The following SMOX variants were observed in gnomAD, a reference collection of about 807,000 sequenced individuals.
SMOX encodes the protein flavin containing amine oxidase.
SMOX carries 22 observed loss-of-function variants against 51.0 expected under a neutral mutation model. The ratio of observed to expected loss-of-function variants is 0.43; its 90% CI spans 0.31 to 0.62. The LOEUF is 0.62. Among genes scored for constraint, SMOX ranks in the 20% least tolerant of loss-of-function variants. The pLI is 0.10. For missense variants in SMOX, 566 were observed against 777.7 expected, an observed-to-expected ratio of 0.73 and a Z score of 3.24; for synonymous variants, 282 against 307.8, an observed-to-expected ratio of 0.92 and a Z score of 0.88.
intron 1 of SMOX, among the ~76,000 whole-genome samples, chr20:4,158,796 A>G (rs998853777): frequency 1.3e-5 from 2 of 151,880 alleles, no homozygotes; most frequent in African/African-American, 4.8e-5. Context: ...CTCCCCACCC[A>G]TAACCAGATC....
rs1486089077 is a variant in SMOX, at chr20:4,181,180, C to A, written c.436-623C>A. 3.3e-5 allele frequency among the ~76,000 whole-genome samples: 5 copies of A among 152,152 alleles called. No individual in the cohort carries two copies. The stretch of plus-strand genomic sequence containing the variant: ...ATCTCCCTTCCTTGGCACACTGGGG[C>A]CTCCTGAGACCCTGGCTTTTGTGTT... On this transcript the variant is annotated intron_variant, in intron 3 of 6. Transcript: ENST00000305958. The surrounding 1 kb of genome is among the most constrained non-coding windows in gnomAD (Gnocchi z 5.6).
chr20:4,184,184 A>T lies in SMOX; in HGVS notation c.1530+530A>T, dbSNP rs574122611. On this transcript the variant is annotated intron_variant, in intron 6 of 6. Coordinates refer to ENST00000305958, the MANE Select transcript of SMOX (RefSeq NM_175839.3). Reference sequence around the variant, plus strand: ...TACTTTTTTTTTTTTTTTGGTAGAGATGGGGTTTCATCATACTGCTAGGCT... The same window carrying T: ...TACTTTTTTTTTTTTTTTGGTAGAGTTGGGGTTTCATCATACTGCTAGGCT... Among the ~76,000 whole-genome samples, 1,132 of 146,194 alleles carry T rather than the reference A, an allele frequency of 7.7e-3. 16 individuals carry two copies. Among genetic ancestry groups the T allele is most frequent in the African/African-American group, 0.027 (1,076 of 39,260 alleles).
intron 1 of SMOX, among the ~76,000 whole-genome samples, chr20:4,162,053 G>A (rs1407707518): frequency 1.3e-5 from 2 of 152,226 alleles, no homozygotes; most frequent in Non-Finnish European, 2.9e-5. Flanking sequence ...CCTTCCTGGT[G>A]CCTTGGGCGG....
chr20:4,184,627 A>C (rs1979601621), intron 6 of SMOX, among the ~76,000 whole-genome samples: 1 of 152,166 alleles, frequency 6.6e-6, no homozygotes, highest in South Asian at 2.1e-4. Context: ...ATTTGGTATA[A>C]TTGGTGAAGA....
chr20:4,172,268 G>A lies in SMOX; in HGVS notation c.-26-2762G>A, dbSNP rs941385636. Among the ~76,000 whole-genome samples, 26 of 152,180 alleles carry A rather than the reference G, an allele frequency of 1.7e-4. No individual in the cohort carries two copies. Among genetic ancestry groups the A allele is most frequent in the Admixed American group, 6.5e-4 (10 of 15,292 alleles). On this transcript the variant is annotated intron_variant, in intron 1 of 6. Coordinates refer to ENST00000305958, the MANE Select transcript of SMOX (RefSeq NM_175839.3). The surrounding 1 kb of genome is among the most constrained non-coding windows in gnomAD (Gnocchi z 7.7). ...GTCAGTCCAGGGTGCCCAGGGTGGC[G>A]GCGTCCCCGTCGCAGCTGGCGCGGC...
chr20:4,157,349 A>C (rs767216967), intron 1 of SMOX, among the ~76,000 whole-genome samples: 2 of 152,196 alleles, frequency 1.3e-5, no homozygotes, highest in Non-Finnish European at 1.5e-5. Context: ...GGAAGAAAGC[A>C]AGAGCCAGCA....
At chr20:4,152,151 G>C (rs1235701802) in intron 1 of SMOX, among the ~76,000 whole-genome samples, 1 of 152,218 alleles carries the variant, frequency 6.6e-6, no homozygotes, top group Non-Finnish European at 1.5e-5. Context: ...ATGTGAGTCT[G>C]TGTGTGTGTC....
Position 4,148,903 on chromosome 20 carries a change from A to C in SMOX, c.-101A>C, listed in dbSNP as rs1241466577. The C allele has an allele frequency of 1.3e-5, 2 of 152,660 alleles. No homozygotes were observed. Among genetic ancestry groups the C allele is most frequent in the Non-Finnish European group, 2.9e-5 (2 of 68,954 alleles). 9.5% of individuals were successfully genotyped at this position (152,660 alleles called of 1,614,324 possible). ...GAGGAGGAAGCCAGGCGGCTGGCGG[A>C]GGAGGAGAGACGGAGGAGGCCGAGA... On this transcript the variant is annotated 5_prime_UTR_variant, in exon 1 of 7. Transcript: ENST00000305958.
At chr20:4,169,064 C>G (rs930640000) in intron 1 of SMOX, among the ~76,000 whole-genome samples, 1 of 152,078 alleles carries the variant, frequency 6.6e-6, no homozygotes, top group African/African-American at 2.4e-5. Context: ...CCTTCTTCCT[C>G]GGTCTCCAGT....
At position 4,167,328 on chromosome 20, in the gene SMOX, C is replaced by A. The variant is rs1214764400; in HGVS notation, c.-26-7702C>A. Among the ~76,000 whole-genome samples, 1 of 152,036 alleles carries A rather than the reference C, an allele frequency of 6.6e-6. No individual in the cohort carries two copies. The highest frequency in any genetic ancestry group is 1.5e-5 in the Non-Finnish European group (1 of 67,990). On this transcript the variant is annotated intron_variant, in intron 1 of 6. Transcript: ENST00000305958. The surrounding 1 kb of genome is among the most constrained non-coding windows in gnomAD (Gnocchi z 4.8). ...TCTATAAGTGAGACAGAGCTCTGGG[C>A]CCTAGGAAAGGTGACTTCTGTACTG...
intron 6 of SMOX, among the ~76,000 whole-genome samples, chr20:4,185,301 T>C (rs1979645975): frequency 6.6e-6 from 1 of 151,928 alleles, no homozygotes; most frequent in Non-Finnish European, 1.5e-5. Flanking sequence ...CAACACCCCT[T>C]TCAGTGTAAC....
chr20:4,162,252 G>A (rs980556865), intron 1 of SMOX, among the ~76,000 whole-genome samples: 4 of 151,664 alleles, frequency 2.6e-5, no homozygotes, highest in South Asian at 2.1e-4. Context: ...CCCCACTCCC[G>A]ACTCCCAACT....
intron 1 of SMOX, among the ~76,000 whole-genome samples, chr20:4,174,549 T>C (rs1271500651): frequency 6.6e-6 from 1 of 152,114 alleles, no homozygotes; most frequent in East Asian, 1.9e-4. Flanking sequence ...ACAGCAGTTA[T>C]GCCATGCTGA....
rs1322134356 is a variant in SMOX, at chr20:4,183,089, G to A, written c.1369+241G>A. On this transcript the variant is annotated intron_variant, in intron 5 of 6. Coordinates refer to ENST00000305958, the MANE Select transcript of SMOX (RefSeq NM_175839.3). This position sits in a 1 kb window ranked among gnomAD's most constrained non-coding sequence, Gnocchi z 4.3. ...TCTTCCCCCTTTCTAAAGGCTGATG[G>A]TAAAACACTCAGAGATCACCGCCCA... 1.6e-5 allele frequency: 10 copies of A among 613,312 alleles called. No individual in the cohort carries two copies. The highest frequency in any genetic ancestry group is 2.8e-5 in the Non-Finnish European group (10 of 355,860). 38.0% of individuals were successfully genotyped at this position (613,312 alleles called of 1,614,324 possible). A position where few individuals can be genotyped will look rare whatever the true frequency, so the allele number is the denominator to read the frequency against.
rs894768407 is a variant in SMOX, at chr20:4,170,825, G to T, written c.-26-4205G>T. Reference sequence around the variant, plus strand: ...GGTGGTGGTGGCTCTGGACAGCTGGGGGAGGCGGTGGCCTGCAGGCTGGAG... The same window carrying T: ...GGTGGTGGTGGCTCTGGACAGCTGGTGGAGGCGGTGGCCTGCAGGCTGGAG... On this transcript the variant is annotated intron_variant, in intron 1 of 6. Coordinates refer to ENST00000305958, the MANE Select transcript of SMOX (RefSeq NM_175839.3). The surrounding 1 kb of genome is among the most constrained non-coding windows in gnomAD (Gnocchi z 4.6). Among the ~76,000 whole-genome samples the T allele has an allele frequency of 2.0e-5, 3 of 152,304 alleles. No individual in the cohort carries two copies. Among genetic ancestry groups the T allele is most frequent in the Admixed American group, 2.0e-4 (3 of 15,300 alleles).
intron 1 of SMOX, among the ~76,000 whole-genome samples, chr20:4,154,515 G>T (rs567317590): frequency 6.6e-6 from 1 of 152,112 alleles, no homozygotes; most frequent in Non-Finnish European, 1.5e-5. Flanking sequence ...AGCAGTAGCT[G>T]GGATTACAGG....
At chr20:4,178,145 G>A (rs922579367) in intron 3 of SMOX, among the ~76,000 whole-genome samples, 81 of 152,198 alleles carry the variant, frequency 5.3e-4, no homozygotes, top group African/African-American at 1.8e-3. Context: ...TGGTTCAAGC[G>A]ATTCTCCTGC....
At chr20:4,151,965 G>A (rs1242801292) in intron 1 of SMOX, among the ~76,000 whole-genome samples, 1 of 152,186 alleles carries the variant, frequency 6.6e-6, no homozygotes, top group African/African-American at 2.4e-5. Context: ...ATTGCAGTGA[G>A]CACAGGAGTC....
intron 1 of SMOX, among the ~76,000 whole-genome samples, chr20:4,154,950 G>A (rs1322381622): frequency 1.3e-5 from 2 of 152,076 alleles, no homozygotes; most frequent in Admixed American, 1.3e-4. Context: ...GGCTGTGTGA[G>A]GGCCTCTGGG....
Sources: allele counts gnomAD v4.1 joint callset (sites outside exome capture counted in the v4.1 genomes callset), GRCh38; gene constraint gnomAD v4.1.1; non-coding constraint Gnocchi (gnomAD v3.1); transcripts MANE v1.5; gene names NCBI Gene and HGNC (gene_info 2026-07-23, HGNC 2026-07-21).